Variants in ADRA1A observed in about 807,000 individuals in gnomAD.
ADRA1A encodes the protein adrenoceptor alpha 1A.
Under a neutral mutation model 29.6 loss-of-function variants are expected in ADRA1A, and 31 were observed. The ratio of observed to expected loss-of-function variants is 1.05; its 90% CI spans 0.79 to 1.41. The LOEUF is 1.41. Among genes scored for constraint, ADRA1A ranks in the 40% most tolerant of loss-of-function variants. The pLI is 0.00. For synonymous variants in ADRA1A, 311 were observed against 254.3 expected, an observed-to-expected ratio of 1.22 and a Z score of -2.12; for missense variants, 619 against 601.1, an observed-to-expected ratio of 1.03 and a Z score of -0.31.
Position 26,831,378 on chromosome 8 carries a change from GAGA to G in ADRA1A, c.883+32706_883+32708del, listed in dbSNP as rs1810962068. Among the ~76,000 whole-genome samples the G allele has an allele frequency of 6.6e-6, 1 of 152,174 alleles. No individual in the cohort carries two copies. The highest frequency in any genetic ancestry group is 6.5e-5 in the Admixed American group (1 of 15,276). On this transcript the variant is annotated intron_variant, in intron 2 of 2. Coordinates refer to ENST00000380573, the MANE Select transcript of ADRA1A (RefSeq NM_000680.4). The surrounding 1 kb of genome is among the most constrained non-coding windows in gnomAD (Gnocchi z 5.2). ...AATGATGACGAGGCAGAGAGAGAGAGAGAAGGAGAGAGAGAAAGAGAGAGAGCC... is the reference window on the plus strand; with the variant it reads ...AATGATGACGAGGCAGAGAGAGAGAGAGGAGAGAGAGAAAGAGAGAGAGCC...
Position 26,811,678 on chromosome 8 carries a change from G to T in ADRA1A, c.884-41012C>A, listed in dbSNP as rs116476145. Among the ~76,000 whole-genome samples, 7 of 152,108 alleles carry T rather than the reference G, an allele frequency of 4.6e-5. No individual in the cohort carries two copies. In the South Asian group the frequency reaches 8.3e-4, roughly 18 times the overall value. ...TTTAGATGGATATAACTTAAGATTT[G>T]TAAAGTTCCAAATCTTCAGATATAG... On this transcript the variant is annotated intron_variant, in intron 2 of 2. Coordinates refer to ENST00000380573, the MANE Select transcript of ADRA1A (RefSeq NM_000680.4).
chr8:26,854,594 A>G (rs1812886701), intron 2 of ADRA1A: 1 of 152,204 alleles, frequency 6.6e-6, no homozygotes, highest in South Asian at 2.1e-4. Context: ...TGGGATGGAA[A>G]CATTGTTGAG....
intron 2 of ADRA1A, among the ~76,000 whole-genome samples, chr8:26,830,585 A>G (rs1481691755): frequency 2.0e-5 from 3 of 152,248 alleles, no homozygotes; most frequent in Non-Finnish European, 4.4e-5. Flanking sequence ...TTGGCTAGAG[A>G]GACAGCATAG....
At chr8:26,755,195 T>C (rs1001180175), downstream of ADRA1A, among the ~76,000 whole-genome samples, 71 of 76,884 alleles carry the variant, frequency 9.2e-4, no homozygotes, top group African/African-American at 3.3e-3. Flanking sequence ...ATAGACCTCC[T>C]TTTTTTTTTT....
intron 2 of ADRA1A, among the ~76,000 whole-genome samples, chr8:26,803,919 CTTTTTTTTTTT>C (rs34314160): frequency 6.3e-4 from 60 of 95,230 alleles, no homozygotes; most frequent in African/African-American, 2.6e-3. Context: ...TGGAAGTTTC[CTTTTTTTTTTT>C]TTTTTTTTTT....
At chr8:26,826,940 A>G (rs188083017) in intron 2 of ADRA1A, among the ~76,000 whole-genome samples, 209 of 152,358 alleles carry the variant, frequency 1.4e-3, no homozygotes, top group Admixed American at 2.3e-3. Context: ...CTTAGGAAAA[A>G]TGAAAAAACT....
chr8:26,819,754 C>G (rs1026651072), intron 2 of ADRA1A, among the ~76,000 whole-genome samples: 89 of 152,178 alleles, frequency 5.8e-4, no homozygotes, highest in African/African-American at 2.0e-3. Context: ...AAGTAGCTAT[C>G]TATCAATAAT....
chr8:26,833,590 G>C (rs913660365), intron 2 of ADRA1A, among the ~76,000 whole-genome samples: 1 of 152,194 alleles, frequency 6.6e-6, no homozygotes, highest in African/African-American at 2.4e-5. Flanking sequence ...GAGCAATTAA[G>C]CTGCTGTAAA....
intron 2 of ADRA1A, among the ~76,000 whole-genome samples, chr8:26,785,354 A>T (rs1197129237): frequency 1.3e-5 from 2 of 152,186 alleles, no homozygotes; most frequent in African/African-American, 4.8e-5. Context: ...AGCCATTTAT[A>T]ATCACCTCAT....
intron 2 of ADRA1A, chr8:26,836,176 G>A (rs1473659422): frequency 2.4e-5 from 6 of 244,928 alleles, no homozygotes; most frequent in South Asian, 1.5e-4. Flanking sequence ...TTGGGGAAGC[G>A]TCTGTCAAAA....
intron 2 of ADRA1A, among the ~76,000 whole-genome samples, chr8:26,820,605 C>T (rs1474948103): frequency 6.6e-6 from 1 of 152,148 alleles, no homozygotes; most frequent in Non-Finnish European, 1.5e-5. Context: ...TTTTCTGGCT[C>T]TTTGCACCTT....
At chr8:26,837,217 A>G (rs1321278940) in intron 2 of ADRA1A, among the ~76,000 whole-genome samples, 1 of 152,166 alleles carries the variant, frequency 6.6e-6, no homozygotes, top group Admixed American at 6.5e-5. Flanking sequence ...CTTTTTAAAA[A>G]AGCTTTTTAA....
chr8:26,836,675 C>G (rs909237665), intron 2 of ADRA1A, among the ~76,000 whole-genome samples: 1 of 152,200 alleles, frequency 6.6e-6, no homozygotes, highest in Admixed American at 6.5e-5. Flanking sequence ...TCTGGTAGTT[C>G]TTTCTTAAAA....
intron 2 of ADRA1A, chr8:26,859,026 A>G (rs1813249222): frequency 8.1e-7 from 1 of 1,231,546 alleles, no homozygotes; most frequent in African/African-American, 1.6e-5. Flanking sequence ...CAAATAGCCT[A>G]CTCACCTGAT....
chr8:26,814,643 T>C (rs1430822215), intron 2 of ADRA1A, among the ~76,000 whole-genome samples: 1 of 152,232 alleles, frequency 6.6e-6, no homozygotes, highest in Non-Finnish European at 1.5e-5. Context: ...AAGAAATATA[T>C]ATCATCTGTT....
At position 26,800,847 on chromosome 8, in the gene ADRA1A, T is replaced by A. The variant is rs1286990820; in HGVS notation, c.884-30181A>T. 2.6e-5 allele frequency among the ~76,000 whole-genome samples: 4 copies of A among 152,098 alleles called. No homozygotes were observed. In the East Asian group the frequency reaches 7.7e-4, roughly 29 times the overall value. On this transcript the variant is annotated intron_variant, in intron 2 of 2. Coordinates refer to ENST00000380573, the MANE Select transcript of ADRA1A (RefSeq NM_000680.4). ...CCCAAAACAAAATTACAGGATAATA[T>A]CTCTGATGACCATTGATGCAAAAAC... is the stretch of plus-strand genomic sequence containing the variant.
downstream of ADRA1A, among the ~76,000 whole-genome samples, chr8:26,765,086 G>A (rs1260245094): frequency 6.6e-6 from 1 of 152,220 alleles, no homozygotes; most frequent in African/African-American, 2.4e-5. Flanking sequence ...ATCAGTTGCA[G>A]CAAGCCATGA....
chr8:26,867,306 C>T (rs1384885670), upstream of ADRA1A: 12 of 985,324 alleles, frequency 1.2e-5, no homozygotes, highest in Middle Eastern at 5.2e-4. Flanking sequence ...GTACCGTAAT[C>T]TCCTGCTGCT....
chr8:26,789,695 C>A (rs1189916351), intron 2 of ADRA1A, among the ~76,000 whole-genome samples: 1 of 151,974 alleles, frequency 6.6e-6, no homozygotes, highest in Non-Finnish European at 1.5e-5. Flanking sequence ...TTCTGCACAG[C>A]AAAGGAAACA....
Sources: gnomAD v4.1 joint callset for allele counts (sites outside exome capture counted in the v4.1 genomes callset) on GRCh38, gnomAD v4.1.1 for gene constraint, Gnocchi (gnomAD v3.1) non-coding constraint, MANE v1.5 for transcripts, NCBI Gene and HGNC (gene_info 2026-07-23, HGNC 2026-07-21) for gene names.